The following CELF2 variants were observed in gnomAD, a reference collection of about 807,000 sequenced individuals.
CELF2 encodes the protein CUGBP Elav-like family member 2.
CELF2 carries 8 observed loss-of-function variants against 62.6 expected under a neutral mutation model. That is an observed-to-expected ratio of 0.13 (90% CI 0.07 to 0.23). The LOEUF is 0.23. Ranked by LOEUF, CELF2 falls within the 10% of genes least tolerant of loss-of-function variation. CELF2 has a pLI of 1.00. For missense variants in CELF2, 333 were observed against 671.0 expected, an observed-to-expected ratio of 0.50 and a Z score of 5.56; for synonymous variants, 258 against 250.0, an observed-to-expected ratio of 1.03 and a Z score of -0.30.
intron 1 of CELF2, among the ~76,000 whole-genome samples, chr10:11,021,374 C>G (rs570932527): frequency 6.6e-6 from 1 of 152,224 alleles, no homozygotes; most frequent in East Asian, 1.9e-4. Flanking sequence ...TTGTTAAGTC[C>G]TTTCAAGTTA....
the CELF2 span, among the ~76,000 whole-genome samples, chr10:10,727,505 G>A: frequency 4.6e-5 from 7 of 152,102 alleles, no homozygotes; most frequent in Admixed American, 2.6e-4. Flanking sequence ...GGCCGGGCGC[G>A]GTGGCTCATG....
chr10:10,915,447 C>G (rs751325143), intron 1 of CELF2, among the ~76,000 whole-genome samples: 6 of 152,068 alleles, frequency 3.9e-5, no homozygotes, highest in Admixed American at 3.9e-4. Context: ...GCTCTGTCAC[C>G]CAGGCTGGAG....
the CELF2 span, among the ~76,000 whole-genome samples, chr10:10,517,347 C>T: frequency 2.6e-5 from 4 of 152,094 alleles, no homozygotes; most frequent in Non-Finnish European, 5.9e-5. Context: ...CACTTTTAAT[C>T]AGCTTCCTCA....
chr10:10,764,062 T>C, the CELF2 span, among the ~76,000 whole-genome samples: 8 of 152,224 alleles, frequency 5.3e-5, no homozygotes, highest in Non-Finnish European at 1.2e-4. Flanking sequence ...CATTCAGCCA[T>C]TTGTTCTTCT....
At chr10:10,681,144 A>C in the CELF2 span, among the ~76,000 whole-genome samples, 7 of 152,206 alleles carry the variant, frequency 4.6e-5, no homozygotes, top group African/African-American at 1.7e-4. Context: ...TCTAAAGTAC[A>C]GCAATGAATT....
At chr10:10,514,649 G>T in the CELF2 span, among the ~76,000 whole-genome samples, 1 of 152,138 alleles carries the variant, frequency 6.6e-6, no homozygotes, top group Non-Finnish European at 1.5e-5. Flanking sequence ...CAAGAAGAAC[G>T]ATTTGGTTAT....
chr10:11,005,954 C>G lies in CELF2; in HGVS notation c.53+514C>G, dbSNP rs1352487999. 2.0e-5 allele frequency among the ~76,000 whole-genome samples: 3 copies of G among 152,104 alleles called. No homozygotes were observed. The highest frequency in any genetic ancestry group is 2.9e-5 in the Non-Finnish European group (2 of 68,012). Reference sequence around the variant, plus strand: ...TTATCCTGTTTGCCAAAATGTGTACCCGTTTGGAGACCTCTTTCATGCATG... The same window carrying G: ...TTATCCTGTTTGCCAAAATGTGTACGCGTTTGGAGACCTCTTTCATGCATG... On this transcript the variant is annotated intron_variant, in intron 1 of 12. Transcript: ENST00000416382. The surrounding 1 kb of genome is among the most constrained non-coding windows in gnomAD (Gnocchi z 4.3).
rs145982377 is a variant in CELF2, at chr10:10,804,590, G to A, written c.53+5773G>A. 7.2e-4 allele frequency among the ~76,000 whole-genome samples: 110 copies of A among 152,366 alleles called. 1 individual carries two copies. Among genetic ancestry groups the A allele is most frequent in the African/African-American group, 2.5e-3 (104 of 41,594 alleles). On this transcript the variant is annotated intron_variant, in intron 1 of 13. Transcript: ENST00000636488. ...ACTTGATCTCACAAAGATGATGAAT[G>A]TCTGGAGGAAATGTATGGTTTACTG...
intron 1 of CELF2, among the ~76,000 whole-genome samples, chr10:11,102,841 C>T (rs1321527902): frequency 1.3e-5 from 2 of 152,168 alleles, no homozygotes; most frequent in African/African-American, 4.8e-5. Flanking sequence ...TTCCCCACAG[C>T]TCATGAAACC....
At chr10:11,219,471 CG>C (rs748805149) in intron 3 of CELF2, among the ~76,000 whole-genome samples, 1 of 152,134 alleles carries the variant, frequency 6.6e-6, no homozygotes, top group Non-Finnish European at 1.5e-5. Flanking sequence ...AAAAGTTGGT[CG>C]GTGGATTATT....
At chr10:11,018,543 G>A (rs887951911) in intron 1 of CELF2, among the ~76,000 whole-genome samples, 12 of 151,144 alleles carry the variant, frequency 7.9e-5, no homozygotes, top group African/African-American at 2.7e-4. Context: ...GCGGGGCGCG[G>A]CGTCCCGGGG....
the CELF2 span, among the ~76,000 whole-genome samples, chr10:10,543,004 C>G: frequency 1.3e-5 from 2 of 152,114 alleles, no homozygotes; most frequent in Non-Finnish European, 2.9e-5. Context: ...ATTCAGCTGC[C>G]CCTGTATGTT....
chr10:10,917,330 T>A (rs2064436829), intron 1 of CELF2, among the ~76,000 whole-genome samples: 1 of 152,144 alleles, frequency 6.6e-6, no homozygotes, highest in African/African-American at 2.4e-5. Flanking sequence ...AGTGGATTGT[T>A]GTTTGTTTTG....
In CELF2 at chr10:11,325,928, A is replaced by G. The variant is rs1327979539; in HGVS notation, c.1387A>G (p.Ile463Val). 6.2e-7 allele frequency: 1 copy of G among 1,614,132 alleles called. No homozygotes were observed. The change falls in exon 12 of 13, where the codon ATC (isoleucine) becomes GTC (valine). Residue 463 changes from isoleucine to valine, a missense_variant. Ile to Val is a conservative substitution (Grantham distance 29, BLOSUM62 3). This residue lies in a region of CELF2 where 35 missense variants were observed against 128.1 expected (regional missense o/e 0.27). Coordinates refer to ENST00000633077, the MANE Select transcript of CELF2 (RefSeq NM_001326342.2). ...LQMFMPFGNV[I>V]SAKVFIDKQT... ...GATGTTCATGCCTTTTGGAAATGTT[A>G]TCTCTGCTAAAGTCTTCATTGACAA...
At chr10:10,865,866 C>G (rs1046185348) in intron 1 of CELF2, among the ~76,000 whole-genome samples, 2 of 151,800 alleles carry the variant, frequency 1.3e-5, no homozygotes, top group Non-Finnish European at 2.9e-5. Context: ...TGTTTGAGCC[C>G]TAGATCATTA....
At chr10:10,564,316 A>T in the CELF2 span, among the ~76,000 whole-genome samples, 1 of 152,208 alleles carries the variant, frequency 6.6e-6, no homozygotes, top group Non-Finnish European at 1.5e-5. Flanking sequence ...AGAAATGGCG[A>T]CACATCAACA....
At chr10:11,226,931 T>A (rs2066840795) in intron 3 of CELF2, among the ~76,000 whole-genome samples, 1 of 152,178 alleles carries the variant, frequency 6.6e-6, no homozygotes, top group Non-Finnish European at 1.5e-5. Context: ...TAGGGTGCAT[T>A]TCTTTATCTG....
the CELF2 span, among the ~76,000 whole-genome samples, chr10:10,485,774 C>T: frequency 6.6e-6 from 1 of 152,128 alleles, no homozygotes; most frequent in Non-Finnish European, 1.5e-5. Context: ...CTGTCTCTAT[C>T]CTATCCGTTC....
At chr10:10,697,118 C>G in the CELF2 span, among the ~76,000 whole-genome samples, 1 of 142,552 alleles carries the variant, frequency 7.0e-6, no homozygotes, top group African/African-American at 2.5e-5. Context: ...TAGAAGGAGA[C>G]AAAAAAAAAA....
Sources: allele counts gnomAD v4.1 joint callset (sites outside exome capture counted in the v4.1 genomes callset), GRCh38; gene constraint gnomAD v4.1.1; regional missense constraint gnomAD v4.1.1; non-coding constraint Gnocchi (gnomAD v3.1); transcripts MANE v1.5; gene names NCBI Gene and HGNC (gene_info 2026-07-23, HGNC 2026-07-21).